Variants in ATP6V0D2 observed in about 807,000 individuals in gnomAD.
The protein encoded by ATP6V0D2 is ATPase H+ transporting V0 subunit d2.
A neutral mutation model predicts 40.0 loss-of-function variants in ATP6V0D2; 40 were observed. That is an observed-to-expected ratio of 1.00 (90% CI 0.78 to 1.30). The LOEUF is 1.30. ATP6V0D2 is among the 50% of genes most tolerant of loss of function. The pLI, the probability that ATP6V0D2 is intolerant of heterozygous loss-of-function variation, is 0.00. For synonymous variants in ATP6V0D2, 179 were observed against 156.3 expected (o/e 1.15, Z -1.08); for missense variants, 470 against 423.1 (o/e 1.11, Z -0.97).
chr8:86,114,560 C>T (rs766118707), intron 2 of ATP6V0D2, among the ~76,000 whole-genome samples: 9 of 152,158 alleles, frequency 5.9e-5, no homozygotes, highest in Non-Finnish European at 1.0e-4. Flanking sequence ...GTCCCAGCTA[C>T]TCGGGAGGTT....
chr8:86,126,798 G>A (rs909090404), intron 2 of ATP6V0D2, among the ~76,000 whole-genome samples: 3 of 152,118 alleles, frequency 2.0e-5, no homozygotes, highest in Non-Finnish European at 4.4e-5. Context: ...AGAAGGGTAG[G>A]AACCAAGACA....
intron 2 of ATP6V0D2, among the ~76,000 whole-genome samples, chr8:86,138,489 T>C (rs548668929): frequency 1.3e-5 from 2 of 152,312 alleles, no homozygotes; most frequent in South Asian, 2.1e-4. Context: ...TCTTAGGTGC[T>C]GACTACATGA....
At chr8:86,099,525 C>A (rs1193269130) in intron 1 of ATP6V0D2, among the ~76,000 whole-genome samples, 1 of 152,150 alleles carries the variant, frequency 6.6e-6, no homozygotes, top group Non-Finnish European at 1.5e-5. Context: ...TGGAGTTTCA[C>A]TCTTGTTGCA....
At chr8:86,103,441 T>G (rs1818429609) in intron 1 of ATP6V0D2, among the ~76,000 whole-genome samples, 1 of 152,042 alleles carries the variant, frequency 6.6e-6, no homozygotes, top group Admixed American at 6.6e-5. Flanking sequence ...AAGTCTTTAC[T>G]TTGTCCTTGA....
At chr8:86,136,337 G>T (rs1012372754) in intron 2 of ATP6V0D2, among the ~76,000 whole-genome samples, 1 of 152,160 alleles carries the variant, frequency 6.6e-6, no homozygotes, top group African/African-American at 2.4e-5. Context: ...GACGCTGGTC[G>T]CCCGTCAACG....
At chr8:86,151,263 T>C (rs747902121) in intron 6 of ATP6V0D2, among the ~76,000 whole-genome samples, 11 of 152,128 alleles carry the variant, frequency 7.2e-5, no homozygotes, top group Non-Finnish European at 1.5e-4. Flanking sequence ...AACAAGCCAA[T>C]AGGCTAGAAT....
intron 1 of ATP6V0D2, among the ~76,000 whole-genome samples, chr8:86,110,634 T>C (rs1818518647): frequency 6.6e-6 from 1 of 152,152 alleles, no homozygotes; most frequent in Non-Finnish European, 1.5e-5. Flanking sequence ...CAGGTCACAA[T>C]ACAGAGGTTA....
intron 5 of ATP6V0D2, among the ~76,000 whole-genome samples, chr8:86,149,067 A>AC (rs1819108780): frequency 6.7e-6 from 1 of 148,808 alleles, no homozygotes; most frequent in Non-Finnish European, 1.5e-5. Flanking sequence ...AAAAAAAAAA[A>AC]AAAAAAAACC....
chr8:86,111,975 G>A (rs776106139), intron 1 of ATP6V0D2, among the ~76,000 whole-genome samples: 1 of 152,114 alleles, frequency 6.6e-6, no homozygotes, highest in Non-Finnish European at 1.5e-5. Context: ...GAATATTTCT[G>A]GTCTATCTTT....
intron 1 of ATP6V0D2, among the ~76,000 whole-genome samples, chr8:86,109,605 A>G (rs2130233734): frequency 6.6e-6 from 1 of 152,332 alleles, no homozygotes; most frequent in East Asian, 1.9e-4. Context: ...ATGTCACATG[A>G]GCAAAATATC....
intron 2 of ATP6V0D2, among the ~76,000 whole-genome samples, chr8:86,128,717 C>G (rs1475836306): frequency 6.6e-6 from 1 of 152,126 alleles, no homozygotes; most frequent in African/African-American, 2.4e-5. Flanking sequence ...AGATACAAAA[C>G]AAGATGGTAA....
intron 2 of ATP6V0D2, among the ~76,000 whole-genome samples, chr8:86,117,691 A>G (rs1338842681): frequency 6.6e-6 from 1 of 152,236 alleles, no homozygotes; most frequent in Non-Finnish European, 1.5e-5. Context: ...ATGGACTTAC[A>G]TAGGACTCAG....
intron 2 of ATP6V0D2, among the ~76,000 whole-genome samples, chr8:86,126,756 A>T (rs186925978): frequency 6.6e-6 from 1 of 152,312 alleles, no homozygotes; most frequent in East Asian, 1.9e-4. Flanking sequence ...GCCTTAAAGG[A>T]TTGGTAAGGA....
intron 1 of ATP6V0D2, among the ~76,000 whole-genome samples, chr8:86,108,217 C>G (rs998188974): frequency 5.9e-5 from 9 of 152,198 alleles, no homozygotes; most frequent in African/African-American, 1.9e-4. Flanking sequence ...ACACAGCTCA[C>G]TCCAGCCTCC....
At chr8:86,099,890 C>T (rs1818372211) in intron 1 of ATP6V0D2, among the ~76,000 whole-genome samples, 1 of 152,124 alleles carries the variant, frequency 6.6e-6, no homozygotes, top group African/African-American at 2.4e-5. Flanking sequence ...TATTTATAAA[C>T]ATTTGGAGAA....
At chr8:86,125,317 A>T (rs1389491885) in intron 2 of ATP6V0D2, among the ~76,000 whole-genome samples, 1 of 152,192 alleles carries the variant, frequency 6.6e-6, no homozygotes, top group Non-Finnish European at 1.5e-5. Context: ...TTTCCAAAAC[A>T]CTACTCCTTC....
intron 2 of ATP6V0D2, among the ~76,000 whole-genome samples, chr8:86,133,165 T>C (rs1469989948): frequency 6.6e-6 from 1 of 151,980 alleles, no homozygotes; most frequent in Non-Finnish European, 1.5e-5. Flanking sequence ...TTTCTCGGAT[T>C]TTCCTTCGGG....
rs565326902 is a variant in ATP6V0D2 at position 86,109,048 on chromosome 8, G to A, written c.131-4661G>A. 3.3e-5 allele frequency among the ~76,000 whole-genome samples: 5 copies of A among 152,112 alleles called. No homozygotes were observed. The South Asian group carries it at 1.0e-3, about 32-fold the overall frequency. ...CTATTTTCCTTATTTTAATAAAAAG[G>A]AAAAAACACCATTTGCCACTCTACC... On this transcript the variant is annotated intron_variant, in intron 1 of 7. Transcript: ENST00000285393.
In ATP6V0D2 at chr8:86,112,314, G is replaced by A. The variant is rs140206022; in HGVS notation, c.131-1395G>A. On this transcript the variant is annotated intron_variant, in intron 1 of 7. Coordinates refer to ENST00000285393, the MANE Select transcript of ATP6V0D2 (RefSeq NM_152565.1). ...ATAATTAAATCTTTACAGAACAAGT[G>A]ATAATCTAATTGAATTAGTTGGCAA... Among the ~76,000 whole-genome samples, 4 of 152,280 alleles carry A rather than the reference G, an allele frequency of 2.6e-5. No individual in the cohort carries two copies. The East Asian group carries it at 7.7e-4, about 29-fold the overall frequency.
Sources: allele counts gnomAD v4.1 joint callset (sites outside exome capture counted in the v4.1 genomes callset), GRCh38; gene constraint gnomAD v4.1.1; transcripts MANE v1.5; gene names NCBI Gene and HGNC (gene_info 2026-07-23, HGNC 2026-07-21).